Variants in SIPA1L2 observed in about 807,000 individuals in gnomAD.
SIPA1L2 encodes the protein signal-induced proliferation-associated 1-like protein 2.
In SIPA1L2, 56 loss-of-function variants were observed where a neutral mutation model predicts 163.9. The observed-to-expected ratio is 0.34, with a 90% CI of 0.28 to 0.43. SIPA1L2 has a LOEUF of 0.43. SIPA1L2 is among the 20% of genes least tolerant of loss of function. The pLI, the probability that SIPA1L2 is intolerant of heterozygous loss-of-function variation, is 1.00. For missense variants in SIPA1L2, 1,974 were observed against 2,193.5 expected (o/e 0.90, Z 2.00); for synonymous variants, 877 against 865.7 (o/e 1.01, Z -0.23).
intron 1 of SIPA1L2, among the ~76,000 whole-genome samples, chr1:232,612,176 G>T (rs1662274108): frequency 6.6e-6 from 1 of 152,244 alleles, no homozygotes. Flanking sequence ...TTCGCAGGAT[G>T]TATGCAAATA....
intron 1 of SIPA1L2, among the ~76,000 whole-genome samples, chr1:232,596,203 A>G (rs562061166): frequency 4.6e-5 from 7 of 152,190 alleles, no homozygotes; most frequent in African/African-American, 9.7e-5. Context: ...CTGATGCCCA[A>G]TTCAGGCTTA....
chr1:232,516,368 T>C (rs760215883), intron 2 of SIPA1L2, among the ~76,000 whole-genome samples: 4 of 152,234 alleles, frequency 2.6e-5, no homozygotes, highest in Non-Finnish European at 5.9e-5. Flanking sequence ...AGGAATGGAT[T>C]TGATAATAGC....
chr1:232,528,744 G>T (rs1483498883), intron 2 of SIPA1L2, among the ~76,000 whole-genome samples: 2 of 152,154 alleles, frequency 1.3e-5, no homozygotes, highest in African/African-American at 4.8e-5. Flanking sequence ...TATAACCCAA[G>T]GAAACCTCAA....
chr1:232,520,334 G>A (rs1022425428), intron 2 of SIPA1L2, among the ~76,000 whole-genome samples: 24 of 152,242 alleles, frequency 1.6e-4, no homozygotes, highest in African/African-American at 5.8e-4. Flanking sequence ...GCCCCCAAGT[G>A]AGGAAGGGCT....
chr1:232,558,051 T>C (rs575097293), intron 2 of SIPA1L2, among the ~76,000 whole-genome samples: 17 of 152,342 alleles, frequency 1.1e-4, no homozygotes, highest in Non-Finnish European at 2.1e-4. Flanking sequence ...CATAGCTGCA[T>C]TGTTCAAACA....
At chr1:232,526,791 T>C (rs900675847) in intron 2 of SIPA1L2, among the ~76,000 whole-genome samples, 24 of 152,188 alleles carry the variant, frequency 1.6e-4, no homozygotes, top group African/African-American at 5.8e-4. Context: ...GACCGGTATC[T>C]GAGACAGGGA....
At chr1:232,475,809 C>A (rs1175912704) in intron 7 of SIPA1L2, among the ~76,000 whole-genome samples, 2 of 152,154 alleles carry the variant, frequency 1.3e-5, no homozygotes, top group Non-Finnish European at 2.9e-5. Flanking sequence ...TCTAAGAATG[C>A]AGATCTTTAA....
intron 18 of SIPA1L2, among the ~76,000 whole-genome samples, chr1:232,423,896 T>C (rs1310633741): frequency 6.6e-6 from 1 of 152,224 alleles, no homozygotes; most frequent in African/African-American, 2.4e-5. Flanking sequence ...GGCTGCATAC[T>C]GCATGATTCC....
intron 10 of SIPA1L2, among the ~76,000 whole-genome samples, chr1:232,448,028 T>A (rs1295710035): frequency 6.6e-6 from 1 of 152,200 alleles, no homozygotes; most frequent in Non-Finnish European, 1.5e-5. Context: ...GAAAGTCAGG[T>A]GTGGCTTTTA....
chr1:232,512,568 A>T (rs1667028891), intron 3 of SIPA1L2, among the ~76,000 whole-genome samples: 1 of 152,178 alleles, frequency 6.6e-6, no homozygotes, highest in South Asian at 2.1e-4. Context: ...TGTCCTTTGC[A>T]GGGACATGGA....
At chr1:232,585,310 C>G (rs944634377) in intron 1 of SIPA1L2, among the ~76,000 whole-genome samples, 2 of 152,172 alleles carry the variant, frequency 1.3e-5, no homozygotes, top group African/African-American at 4.8e-5. Context: ...TGGAGGCTTA[C>G]TCTTATTTTC....
chr1:232,410,900 G>A (rs1403900448), intron 19 of SIPA1L2, among the ~76,000 whole-genome samples: 1 of 152,126 alleles, frequency 6.6e-6, no homozygotes, highest in Non-Finnish European at 1.5e-5. Context: ...TAGGGGTTAG[G>A]GTGGTATACC....
chr1:232,568,269 C>T (rs1049590607), intron 2 of SIPA1L2, among the ~76,000 whole-genome samples: 4 of 152,182 alleles, frequency 2.6e-5, no homozygotes, highest in Non-Finnish European at 4.4e-5. Flanking sequence ...GAAGGAGAGT[C>T]CTGGGACTGG....
chr1:232,521,200 T>C (rs1212494743), intron 2 of SIPA1L2, among the ~76,000 whole-genome samples: 2 of 152,222 alleles, frequency 1.3e-5, no homozygotes, highest in African/African-American at 4.8e-5. Flanking sequence ...AGGGGTAACC[T>C]ATGATCTGCG....
At chr1:232,551,642 G>T (rs916532227) in intron 2 of SIPA1L2, among the ~76,000 whole-genome samples, 2 of 152,216 alleles carry the variant, frequency 1.3e-5, no homozygotes, top group Admixed American at 1.3e-4. Context: ...CGCAGACAGA[G>T]CGCTCCAGGC....
chr1:232,583,546 G>T (rs1660496004), intron 1 of SIPA1L2, among the ~76,000 whole-genome samples: 1 of 152,120 alleles, frequency 6.6e-6, no homozygotes, highest in Non-Finnish European at 1.5e-5. Context: ...GCTGAATAAA[G>T]CTCTAACTTA....
chr1:232,571,518 G>T (rs1659727586), intron 2 of SIPA1L2, among the ~76,000 whole-genome samples: 1 of 152,174 alleles, frequency 6.6e-6, no homozygotes, highest in South Asian at 2.1e-4. Context: ...AAAAACTGAA[G>T]AACTTTTGGT....
chr1:232,548,860 G>A (rs1305168115), intron 2 of SIPA1L2, among the ~76,000 whole-genome samples: 1 of 152,208 alleles, frequency 6.6e-6, no homozygotes, highest in Non-Finnish European at 1.5e-5. Context: ...GGGAGAGCGA[G>A]CAGGATCCGT....
chr1:232,522,307 A>G (rs79228224), intron 2 of SIPA1L2, among the ~76,000 whole-genome samples: 1 of 151,964 alleles, frequency 6.6e-6, no homozygotes, highest in South Asian at 2.1e-4. Context: ...TCCACCCTCC[A>G]TGCTCCCATG....
Sources: gnomAD v4.1 joint callset for allele counts (sites outside exome capture counted in the v4.1 genomes callset) on GRCh38, gnomAD v4.1.1 for gene constraint, MANE v1.5 for transcripts, NCBI Gene and HGNC (gene_info 2026-07-23, HGNC 2026-07-21) for gene names.